The following EPB41L4B variants were observed in gnomAD, a reference collection of about 807,000 sequenced individuals.
EPB41L4B encodes the protein erythrocyte membrane protein band 4.1 like 4B.
In EPB41L4B, 30 loss-of-function variants were observed where a neutral mutation model predicts 112.5. The observed-to-expected ratio is 0.27, with a 90% confidence interval of 0.20 to 0.36. EPB41L4B has a LOEUF of 0.36. Among genes scored for constraint, EPB41L4B ranks in the 10% least tolerant of loss-of-function variants. EPB41L4B has a pLI of 1.00. For missense variants in EPB41L4B, 1,024 were observed against 1,133.3 expected (o/e 0.90, Z 1.38); for synonymous variants, 408 against 439.7 (o/e 0.93, Z 0.90).
Position 109,172,598 on chromosome 9 carries a change from C to T in EPB41L4B, c.*1956G>A, listed in dbSNP as rs1009822404. 1 of 152,140 alleles carries T rather than the reference C, an allele frequency of 6.6e-6. No homozygotes were observed. The highest frequency in any genetic ancestry group is 2.4e-5 in the African/African-American group (1 of 41,424). 9.4% of individuals were successfully genotyped at this position (152,140 alleles called of 1,614,324 possible). A position where few individuals can be genotyped will look rare whatever the true frequency, so the allele number is the denominator to read the frequency against. ...TTGATAGCTCTTAATGATATCACTG[C>T]ACCGTACCAAGGTATAAAAGGGGCT... On this transcript the variant is annotated 3_prime_UTR_variant, in exon 26 of 26. Coordinates refer to ENST00000374566, the MANE Select transcript of EPB41L4B (RefSeq NM_019114.5).
intron 1 of EPB41L4B, among the ~76,000 whole-genome samples, chr9:109,307,840 T>C (rs1237656522): frequency 6.6e-6 from 1 of 151,680 alleles, no homozygotes; most frequent in Non-Finnish European, 1.5e-5. Context: ...GATGGCAGAG[T>C]CTCAGAGGGG....
chr9:109,177,807 C>T (rs921021811), intron 24 of EPB41L4B, among the ~76,000 whole-genome samples: 6 of 149,388 alleles, frequency 4.0e-5, no homozygotes, highest in African/African-American at 7.4e-5. Context: ...GGGCACAGAG[C>T]GAGACTCTGT....
chr9:109,317,587 A>T (rs995756385), intron 1 of EPB41L4B, among the ~76,000 whole-genome samples: 6 of 152,236 alleles, frequency 3.9e-5, no homozygotes, highest in Non-Finnish European at 7.3e-5. Context: ...AACTAGGGCT[A>T]ATAAAAAGGT....
chr9:109,320,312 G>C lies in EPB41L4B; in HGVS notation c.135C>G (p.Ala45=). The C allele has an allele frequency of 9.9e-7, 1 of 1,007,070 alleles. No homozygotes were observed. Among genetic ancestry groups the C allele is most frequent in the Non-Finnish European group, 1.2e-6 (1 of 845,634 alleles). The allele number at this position is 1,007,070 out of a possible 1,614,324, so 62.4% of individuals were successfully genotyped here. The change falls in exon 1 of 26, where the codon GCC becomes GCG. Residue 45 remains alanine, a synonymous_variant. Coordinates refer to ENST00000374566, the MANE Select transcript of EPB41L4B (RefSeq NM_019114.5). ...GGPRGGPAAA[A]SSSALPAAPG... is the part of the protein sequence containing the mutation. ...GCGCGGCGGGCAGCGCCGAGGAGGA[G>C]GCGGCGGCGGCCGGGCCCCCCCGTG...
chr9:109,213,576 A>G (rs1214862437), intron 17 of EPB41L4B, 124 bp downstream of exon 17: 2 of 725,078 alleles, frequency 2.8e-6, no homozygotes, highest in Admixed American at 4.6e-5. Context: ...AAATGTCAGG[A>G]AAGATGGAAT....
intron 22 of EPB41L4B, among the ~76,000 whole-genome samples, chr9:109,189,336 C>T (rs1007799019): frequency 2.6e-5 from 4 of 152,084 alleles, no homozygotes; most frequent in African/African-American, 4.8e-5. Context: ...CCTACAAAAG[C>T]GAAGTTGGAA....
chr9:109,315,451 A>G (rs569933869), intron 1 of EPB41L4B, among the ~76,000 whole-genome samples: 12 of 152,238 alleles, frequency 7.9e-5, no homozygotes, highest in African/African-American at 2.6e-4. Context: ...TGTTTGGGAA[A>G]ATCTGTTCTA....
chr9:109,255,728 C>T (rs780590737), intron 10 of EPB41L4B, 46 bp downstream of exon 10: 1 of 1,611,758 alleles, frequency 6.2e-7, no homozygotes, highest in Admixed American at 1.7e-5. Flanking sequence ...GCAACCCCAA[C>T]ACAGGATTTT....
intron 21 of EPB41L4B, among the ~76,000 whole-genome samples, chr9:109,193,442 G>T (rs939504887): frequency 6.6e-6 from 1 of 152,256 alleles, no homozygotes; most frequent in Non-Finnish European, 1.5e-5. Context: ...CCATTTTTAA[G>T]AGGAAGAAAT....
At position 109,190,038 on chromosome 9, in the gene EPB41L4B, T is replaced by C. The variant is rs146097480; in HGVS notation, c.2301+2240A>G. Among the ~76,000 whole-genome samples the C allele has an allele frequency of 5.5e-3, 832 of 152,278 alleles. 12 individuals are homozygous for C. The highest frequency in any genetic ancestry group is 0.022 in the South Asian group (106 of 4,814). ...GCAACCTCCGCCTCCTGGGTTCAAATGATTCTCTTGCCTTAGCCTTCTGTG... is the reference window on the plus strand; with the variant it reads ...GCAACCTCCGCCTCCTGGGTTCAAACGATTCTCTTGCCTTAGCCTTCTGTG... On this transcript the variant is annotated intron_variant, in intron 22 of 25. Transcript: ENST00000374566.
At chr9:109,228,930 T>G (rs1833867658) in intron 15 of EPB41L4B, among the ~76,000 whole-genome samples, 1 of 152,200 alleles carries the variant, frequency 6.6e-6, no homozygotes, top group South Asian at 2.1e-4. Flanking sequence ...GTAAAAAATA[T>G]TCAAGTCTAT....
intron 2 of EPB41L4B, among the ~76,000 whole-genome samples, chr9:109,278,064 C>T (rs1435301295): frequency 2.6e-5 from 4 of 152,080 alleles, no homozygotes; most frequent in Admixed American, 6.5e-5. Flanking sequence ...CCAAAGGCCT[C>T]GAGGGATGCG....
Position 109,251,530 on chromosome 9 carries a change from A to G in EPB41L4B, c.1280-19T>C. On this transcript the variant is annotated intron_variant, in intron 12 of 25. Coordinates refer to ENST00000374566, the MANE Select transcript of EPB41L4B (RefSeq NM_019114.5). ...TTGCTTGCTATAAAGGAAAAACAGAAAGTTATGACATCTTAGAGAACTTTA... is the reference window on the plus strand; with the variant it reads ...TTGCTTGCTATAAAGGAAAAACAGAGAGTTATGACATCTTAGAGAACTTTA... 4 of 1,612,526 alleles carry G rather than the reference A, an allele frequency of 2.5e-6. No homozygotes were observed. Among genetic ancestry groups the G allele is most frequent in the Non-Finnish European group, 2.5e-6 (3 of 1,178,510 alleles).
At chr9:109,256,539 A>T in intron 7 of EPB41L4B, 59 bp from the exon 8 acceptor site, 1 of 1,456,450 alleles carries the variant, frequency 6.9e-7, no homozygotes, top group Non-Finnish European at 9.6e-7. Context: ...CAGGATTCTG[A>T]AGGGCACGGC....
intron 21 of EPB41L4B, among the ~76,000 whole-genome samples, chr9:109,192,679 G>A (rs1832502627): frequency 6.6e-6 from 1 of 152,112 alleles, no homozygotes; most frequent in South Asian, 2.1e-4. Context: ...TAAAGAGAGA[G>A]CAAAGACCTT....
chr9:109,235,361 C>A (rs1834101598), intron 15 of EPB41L4B, among the ~76,000 whole-genome samples: 1 of 139,364 alleles, frequency 7.2e-6, no homozygotes, highest in African/African-American at 2.7e-5. Flanking sequence ...AACCATCAAT[C>A]TATTAGAAAT....
At chr9:109,180,032 T>G (rs1406191468) in intron 24 of EPB41L4B, among the ~76,000 whole-genome samples, 2 of 152,154 alleles carry the variant, frequency 1.3e-5, no homozygotes, top group Non-Finnish European at 2.9e-5. Context: ...TACTGTGGCC[T>G]ACAAGGCCAA....
rs184156386 is a variant in EPB41L4B at position 109,204,315 on chromosome 9, G to C, written c.1879-585C>G. Among the ~76,000 whole-genome samples, 1,029 of 149,234 alleles carry C rather than the reference G, an allele frequency of 6.9e-3. 8 individuals are homozygous for C. The highest frequency in any genetic ancestry group is 0.021 in the Middle Eastern group (6 of 288). On this transcript the variant is annotated intron_variant, in intron 18 of 25. Coordinates refer to ENST00000374566, the MANE Select transcript of EPB41L4B (RefSeq NM_019114.5). ...ACACTAGTGGTCAATAGAACATGCA[G>C]AGGCCTGCAGCCCTCACGACCATCA...
chr9:109,200,318 G>A lies in EPB41L4B; in HGVS notation c.1963C>T (p.Arg655Cys), dbSNP rs780215481. The A allele has an allele frequency of 4.1e-5, 66 of 1,613,752 alleles. No homozygotes were observed. The highest frequency in any genetic ancestry group is 4.7e-5 in the Non-Finnish European group (56 of 1,179,900). The part of the protein sequence containing the change: ...DASVRSPIPI[R>C]VETAQPAVEK... ...ACAGCTGGCTGGGCAGTTTCCACAC[G>A]AATAGGAATAGGACTTCTAGAGACA... Residue 655 changes from arginine to cysteine, a missense_variant, in exon 20 of 26, where the codon CGT becomes TGT. Transcript: ENST00000374566.
Sources: gnomAD v4.1 joint callset for allele counts (sites outside exome capture counted in the v4.1 genomes callset) on GRCh38, gnomAD v4.1.1 for gene constraint, MANE v1.5 for transcripts, NCBI Gene and HGNC (gene_info 2026-07-23, HGNC 2026-07-21) for gene names.